Variants in CCDC171 observed in about 807,000 individuals in gnomAD.
CCDC171 encodes the protein coiled-coil domain-containing protein 171.
CCDC171 carries 177 observed loss-of-function variants against 168.2 expected under a neutral mutation model. That is an observed-to-expected ratio of 1.05 (90% confidence interval 0.93 to 1.19). The LOEUF (loss-of-function observed/expected upper bound fraction) is 1.19. CCDC171 is among the 50% of genes most tolerant of loss of function. CCDC171 has a pLI of 0.00. For missense variants in CCDC171, 1,991 were observed against 1,539.0 expected, an observed-to-expected ratio of 1.29 and a Z score of -4.91; for synonymous variants, 687 against 540.8, an observed-to-expected ratio of 1.27 and a Z score of -3.75.
chr9:16,069,108 T>C, the CCDC171 span, among the ~76,000 whole-genome samples: 2 of 152,194 alleles, frequency 1.3e-5, no homozygotes, highest in African/African-American at 2.4e-5. Flanking sequence ...ACTTGGCCAC[T>C]CCCTGGCCTT....
upstream of CCDC171, among the ~76,000 whole-genome samples, chr9:16,038,947 GT>G (rs1456582522): frequency 3.3e-5 from 5 of 149,830 alleles, no homozygotes; most frequent in African/African-American, 4.9e-5. Flanking sequence ...GATAAAGGTT[GT>G]TATACAAAAT....
At position 15,918,634 on chromosome 9, in the gene CCDC171, T is replaced by C. The variant is rs1361730712; in HGVS notation, c.3601-1636T>C. Reference sequence around the variant, plus strand: ...TGCCTTGAAATGATTCAAAGGAAGATAGGTTAGGATATGTCAGATATTCCC... The same window carrying C: ...TGCCTTGAAATGATTCAAAGGAAGACAGGTTAGGATATGTCAGATATTCCC... On this transcript the variant is annotated intron_variant, in intron 24 of 25. Transcript: ENST00000380701. Among the ~76,000 whole-genome samples, 5 of 151,412 alleles carry C rather than the reference T, an allele frequency of 3.3e-5. No individual in the cohort carries two copies. The East Asian group carries it at 9.6e-4, about 29-fold the overall frequency.
intron 18 of CCDC171, among the ~76,000 whole-genome samples, chr9:15,766,925 G>C (rs943851832): frequency 2.0e-4 from 31 of 152,260 alleles, no homozygotes; most frequent in African/African-American, 7.5e-4. Flanking sequence ...GCCTCACAAA[G>C]TACTAGGATT....
chr9:16,093,093 G>A, the CCDC171 span, among the ~76,000 whole-genome samples: 10 of 152,136 alleles, frequency 6.6e-5, no homozygotes, highest in African/African-American at 9.7e-5. Context: ...AACAAACCAC[G>A]GGAACCAGAC....
intron 18 of CCDC171, among the ~76,000 whole-genome samples, chr9:15,753,449 C>T (rs749591801): frequency 1.4e-4 from 21 of 152,196 alleles, no homozygotes; most frequent in African/African-American, 2.9e-4. Flanking sequence ...TTATTCATAT[C>T]GGAAGAGAGA....
chr9:15,616,199 C>G (rs976313194), intron 6 of CCDC171, among the ~76,000 whole-genome samples: 2 of 151,972 alleles, frequency 1.3e-5, no homozygotes, highest in Non-Finnish European at 2.9e-5. Flanking sequence ...TGATCTGCCC[C>G]CTTTGGCCTC....
intron 6 of CCDC171, among the ~76,000 whole-genome samples, chr9:15,619,173 C>G (rs1424621294): frequency 6.6e-6 from 1 of 152,110 alleles, no homozygotes; most frequent in African/African-American, 2.4e-5. Flanking sequence ...CCAGTTAACT[C>G]TACAGTGTCC....
chr9:15,919,474 A>G (rs374336101), intron 24 of CCDC171, among the ~76,000 whole-genome samples: 2 of 151,696 alleles, frequency 1.3e-5, no homozygotes, highest in Non-Finnish European at 3.0e-5. Flanking sequence ...TAAACAATAT[A>G]GTATTATTTT....
At chr9:15,808,950 A>C (rs186570075) in intron 21 of CCDC171, among the ~76,000 whole-genome samples, 2 of 152,282 alleles carry the variant, frequency 1.3e-5, no homozygotes, top group East Asian at 3.9e-4. Flanking sequence ...CATAGATGGC[A>C]CCTTCTTGCT....
At chr9:15,565,496 A>C (rs897418910) in intron 2 of CCDC171, among the ~76,000 whole-genome samples, 10 of 152,074 alleles carry the variant, frequency 6.6e-5, no homozygotes, top group Admixed American at 6.6e-4. Context: ...CATCATTTTT[A>C]ATGGCTGAAT....
rs1479600092 is a variant in CCDC171 at position 15,691,395 on chromosome 9, AAC to A, written c.1216-3836_1216-3835del. On this transcript the variant is annotated intron_variant, in intron 10 of 25. Coordinates refer to ENST00000380701, the MANE Select transcript of CCDC171 (RefSeq NM_173550.4). ...AGATAGATATTTCCTATAATTATAA[AAC>A]ACATTGTGAATAAAACTTACCTGTG... is the stretch of plus-strand genomic sequence containing the variant. Among the ~76,000 whole-genome samples the A allele has an allele frequency of 5.3e-5, 8 of 151,134 alleles. No homozygotes were observed. In the South Asian group the frequency reaches 8.3e-4, roughly 16 times the overall value.
At chr9:15,840,371 A>G (rs2060627519) in intron 21 of CCDC171, among the ~76,000 whole-genome samples, 1 of 152,142 alleles carries the variant, frequency 6.6e-6, no homozygotes, top group Admixed American at 6.5e-5. Flanking sequence ...GACTCGTTTA[A>G]AATATTGCCA....
chr9:16,004,640 A>G (rs1832646235), intron 3 of CCDC171, among the ~76,000 whole-genome samples: 2 of 152,308 alleles, frequency 1.3e-5, no homozygotes, highest in South Asian at 4.1e-4. Flanking sequence ...ATGCCCCGTC[A>G]CTGCCTTACT....
chr9:15,981,748 C>T (rs886962827), intron 3 of CCDC171, among the ~76,000 whole-genome samples: 8 of 152,132 alleles, frequency 5.3e-5, no homozygotes, highest in Non-Finnish European at 8.8e-5. Flanking sequence ...CCTCTCCCTT[C>T]CCTTTTCCAC....
intron 24 of CCDC171, among the ~76,000 whole-genome samples, chr9:15,914,583 T>C (rs1485603411): frequency 6.6e-6 from 1 of 152,172 alleles, no homozygotes; most frequent in African/African-American, 2.4e-5. Context: ...CTTGCTGGGT[T>C]CCATGGGGGC....
chr9:15,750,589 CCAG>C (rs2055656140), intron 18 of CCDC171, among the ~76,000 whole-genome samples: 1 of 151,156 alleles, frequency 6.6e-6, no homozygotes, highest in Non-Finnish European at 1.5e-5. Flanking sequence ...CAAACCGAAT[CCAG>C]CAGCACATCA....
intron 23 of CCDC171, among the ~76,000 whole-genome samples, chr9:15,861,819 A>G (rs538105837): frequency 4.6e-5 from 7 of 151,998 alleles, no homozygotes; most frequent in Admixed American, 1.3e-4. Flanking sequence ...GTATATCTGT[A>G]TATTTACCTT....
At chr9:15,809,100 A>G (rs2059211160) in intron 21 of CCDC171, among the ~76,000 whole-genome samples, 1 of 152,222 alleles carries the variant, frequency 6.6e-6, no homozygotes, top group Non-Finnish European at 1.5e-5. Context: ...TTTTATTGCC[A>G]TCACCTTGGG....
chr9:15,598,972 C>G (rs529868263), intron 6 of CCDC171, among the ~76,000 whole-genome samples: 2 of 152,106 alleles, frequency 1.3e-5, no homozygotes, highest in African/African-American at 2.4e-5. Flanking sequence ...GGATTGCAAC[C>G]CCTGCCTTTT....
Sources: allele counts gnomAD v4.1 joint callset (sites outside exome capture counted in the v4.1 genomes callset), GRCh38; gene constraint gnomAD v4.1.1; transcripts MANE v1.5; gene names NCBI Gene and HGNC (gene_info 2026-07-23, HGNC 2026-07-21).